CCL27: variants seen among roughly 807,000 people sequenced by gnomAD.
CCL27 encodes C-C motif chemokine 27.
CCL27 carries 8 observed loss-of-function variants against 7.7 expected under a neutral mutation model. The observed-to-expected ratio is 1.04, with a 90% CI of 0.61 to 1.88. The LOEUF (loss-of-function observed/expected upper bound fraction) is 1.88, where lower values mean the gene tolerates loss of function less well. Ranked by LOEUF, CCL27 falls within the 40% of genes most tolerant of loss-of-function variation. The pLI, the probability that CCL27 is intolerant of heterozygous loss-of-function variation, is 0.00. For synonymous variants in CCL27, 49 were observed against 53.2 expected, an observed-to-expected ratio of 0.92 and a Z score of 0.34; for missense variants, 130 against 130.0, an observed-to-expected ratio of 1.00 and a Z score of 0.00.
chr9:34,662,220 T>C (rs1821471284), intron 2 of CCL27, 64 bp downstream of exon 2: 2 of 1,609,132 alleles, frequency 1.2e-6, no homozygotes, highest in South Asian at 1.1e-5. Flanking sequence ...AGGGCTGGGG[T>C]TGGGATCAGC....
Position 34,662,624 on chromosome 9 carries a change from G to T in CCL27, c.10C>A (p.Pro4Thr). 6.2e-7 allele frequency: 1 copy of T among 1,612,460 alleles called. No individual in the cohort carries two copies. The highest frequency in any genetic ancestry group is 8.5e-7 in the Non-Finnish European group (1 of 1,179,368). Residue 4 changes from proline to threonine, a missense_variant, in exon 1 of 3, where the codon CCC becomes ACC. Physicochemically the swap from Pro to Thr is conservative, Grantham distance 38. Coordinates refer to ENST00000259631, the MANE Select transcript of CCL27 (RefSeq NM_006664.4). ...AGCAGGAGGCTGCAGAAGGTTGGGGGCCCCTTCATGTTGCTCAGCCTAGAC... is the reference window on the plus strand; with the variant it reads ...AGCAGGAGGCTGCAGAAGGTTGGGGTCCCCTTCATGTTGCTCAGCCTAGAC... MKGPPTFCSLLLLS... is the reference protein window; with the variant it reads MKGTPTFCSLLLLS...
chr9:34,662,488 G>A (rs1224588189), intron 1 of CCL27, 72 bp from the exon 2 acceptor site: 11 of 1,612,698 alleles, frequency 6.8e-6, no homozygotes, highest in Non-Finnish European at 9.3e-6. Flanking sequence ...CTGGAGGTTA[G>A]GTTGGATTTC....
chr9:34,662,603 G>T lies in CCL27; in HGVS notation c.31C>A (p.Leu11Met), dbSNP rs763070893. ...GGGCTCAGGAGCAATGACAGCAGCAGGAGGCTGCAGAAGGTTGGGGGCCCC... is the reference window on the plus strand; with the variant it reads ...GGGCTCAGGAGCAATGACAGCAGCATGAGGCTGCAGAAGGTTGGGGGCCCC... MKGPPTFCSL[L>M]LLSLLLSPDP... The change falls in exon 1 of 3, where the codon CTG becomes ATG. Residue 11 changes from leucine to methionine, a missense_variant. Coordinates refer to ENST00000259631, the MANE Select transcript of CCL27 (RefSeq NM_006664.4). 1 of 1,613,862 alleles carries T rather than the reference G, an allele frequency of 6.2e-7. No individual in the cohort carries two copies. Among genetic ancestry groups the T allele is most frequent in the South Asian group, 1.1e-5 (1 of 91,048 alleles).
In CCL27 at chr9:34,661,895, C is replaced by G; in HGVS notation, c.*49G>C. ...AATAAGGAAGTTCTTGGAGATTATA[C>G]TCAGAAATTATTATCCAATGCTGCT... On this transcript the variant is annotated 3_prime_UTR_variant, in exon 3 of 3. Coordinates refer to ENST00000259631, the MANE Select transcript of CCL27 (RefSeq NM_006664.4). The G allele has an allele frequency of 1.2e-6, 2 of 1,603,270 alleles. No individual in the cohort carries two copies. Among genetic ancestry groups the G allele is most frequent in the South Asian group, 2.2e-5 (2 of 90,682 alleles).
chr9:34,661,941 G>A lies in CCL27; in HGVS notation c.*3C>T. 1 of 1,614,024 alleles carries A rather than the reference G, an allele frequency of 6.2e-7. No homozygotes were observed. Among genetic ancestry groups the A allele is most frequent in the South Asian group, 1.1e-5 (1 of 91,080 alleles). ...CTGCTTTATTATTTGGCTATTGGGG[G>A]CTTCAGCCCATTTTCCTTAGCATCC... On this transcript the variant is annotated 3_prime_UTR_variant, in exon 3 of 3. Coordinates refer to ENST00000259631, the MANE Select transcript of CCL27 (RefSeq NM_006664.4).
In CCL27 at chr9:34,662,371, C is replaced by T. The variant is rs777698595; in HGVS notation, c.116G>A (p.Arg39Gln). Residue 39 changes from arginine to glutamine, a missense_variant, in exon 2 of 3, where the codon CGA (arginine) becomes CAA (glutamine). Transcript: ENST00000259631. ...PSTACCTQLY[R>Q]KPLSDKLLRK... The stretch of plus-strand genomic sequence containing the variant: ...CAGTAGCTTGTCTGAGAGTGGCTTT[C>T]GGTAGAGCTGAGTACAGCAGGCAGT... 49 of 1,613,966 alleles carry T rather than the reference C, an allele frequency of 3.0e-5. 1 individual carries two copies. In the South Asian group the frequency reaches 3.8e-4, roughly 13 times the overall value.
At chr9:34,662,204 G>C (rs1440277255) in intron 2 of CCL27, 80 bp downstream of exon 2, 14 of 1,605,778 alleles carry the variant, frequency 8.7e-6, no homozygotes, top group Non-Finnish European at 1.2e-5. Context: ...AACAGAATTA[G>C]CAGTTAGGGC....
Position 34,661,939 on chromosome 9 carries a change from G to C in CCL27, c.*5C>G. 2 of 1,614,020 alleles carry C rather than the reference G, an allele frequency of 1.2e-6. No individual in the cohort carries two copies. Among genetic ancestry groups the C allele is most frequent in the Non-Finnish European group, 1.7e-6 (2 of 1,179,934 alleles). ...TGCTGCTTTATTATTTGGCTATTGG[G>C]GGCTTCAGCCCATTTTCCTTAGCAT... is the stretch of plus-strand genomic sequence containing the variant. On this transcript the variant is annotated 3_prime_UTR_variant, in exon 3 of 3. Transcript: ENST00000259631.
Position 34,662,653 on chromosome 9 carries a change from T to C in CCL27, c.-20A>G. The C allele has an allele frequency of 6.3e-7, 1 of 1,582,304 alleles. No homozygotes were observed. Among genetic ancestry groups the C allele is most frequent in the Non-Finnish European group, 8.6e-7 (1 of 1,165,600 alleles). On this transcript the variant is annotated 5_prime_UTR_variant, in exon 1 of 3. Transcript: ENST00000259631. ...CTTCATGTTGCTCAGCCTAGACTCTTCCTTCTCTCTCTCTCCTCCTCCCCT... is the reference window on the plus strand; with the variant it reads ...CTTCATGTTGCTCAGCCTAGACTCTCCCTTCTCTCTCTCTCCTCCTCCCCT...
rs1405348104 is a variant in CCL27, at chr9:34,662,578, G to T, written c.56C>A (p.Pro19Gln). 1.2e-6 allele frequency: 2 copies of T among 1,614,058 alleles called. No homozygotes were observed. Residue 19 changes from proline to glutamine, a missense_variant, in exon 1 of 3, where the codon CCA (proline) becomes CAA (glutamine). By Grantham distance (76) the Pro-to-Gln change is moderately conservative. Transcript: ENST00000259631. ...SLLLLSLLLS[P>Q]DPTAAFLLPP... is the part of the protein sequence containing the mutation. ...CAAGTACTCACCTGCTGTAGGGTCT[G>T]GGCTCAGGAGCAATGACAGCAGCAG...
In CCL27 at chr9:34,662,060, TG is replaced by T; in HGVS notation, c.222del (p.Ser75AlafsTer29). 1 of 1,614,184 alleles carries T rather than the reference TG, an allele frequency of 6.2e-7. No homozygotes were observed. The highest frequency in any genetic ancestry group is 1.7e-5 in the Admixed American group (1 of 60,020). On this transcript the variant is annotated frameshift_variant, in exon 3 of 3. Transcript: ENST00000259631. LOFTEE classifies it high-confidence loss of function. ...LQAFVLHLAQ[R>X]SICIHPQNPS... is the part of the protein sequence containing the mutation. ...GGGTTCTGGGGGTGGATGCAGATGC[TG>T]CGTTGAGCCAGGTGAAGCCTGGGTA...
Position 34,662,035 on chromosome 9 carries a change from G to T in CCL27, c.248C>A (p.Pro83His), listed in dbSNP as rs1245979011. The T allele has an allele frequency of 6.2e-7, 1 of 1,614,098 alleles. No homozygotes were observed. The highest frequency in any genetic ancestry group is 8.5e-7 in the Non-Finnish European group (1 of 1,180,034). The change falls in exon 3 of 3, where the codon CCC (proline) becomes CAC (histidine). Residue 83 changes from proline to histidine, a missense_variant. Coordinates refer to ENST00000259631, the MANE Select transcript of CCL27 (RefSeq NM_006664.4). Reference protein sequence around the residue: ...QRSICIHPQNPSLSQWFEHQE... With the variant: ...QRSICIHPQNHSLSQWFEHQE... ...GTGCTCAAACCACTGTGACAGGCTG[G>T]GGTTCTGGGGGTGGATGCAGATGCT...
chr9:34,662,045 G>C lies in CCL27; in HGVS notation c.238C>G (p.Pro80Ala). The C allele has an allele frequency of 6.2e-7, 1 of 1,614,204 alleles. No homozygotes were observed. The highest frequency in any genetic ancestry group is 8.5e-7 in the Non-Finnish European group (1 of 1,180,028). ...HLAQRSICIH[P>A]QNPSLSQWFE... ...CACTGTGACAGGCTGGGGTTCTGGG[G>C]GTGGATGCAGATGCTGCGTTGAGCC... is the stretch of plus-strand genomic sequence containing the variant. The change falls in exon 3 of 3, where the codon CCC (proline) becomes GCC (alanine). Residue 80 changes from proline (P) to alanine (A), a missense_variant. Pro to Ala is a conservative substitution (Grantham distance 27, BLOSUM62 -1). Transcript: ENST00000259631.
intron 2 of CCL27, 60 bp downstream of exon 2, chr9:34,662,224 G>A (rs968214077): frequency 2.5e-6 from 4 of 1,609,932 alleles, no homozygotes; most frequent in Non-Finnish European, 1.7e-6. Context: ...CTGGGGTTGG[G>A]ATCAGCATTA....
At position 34,662,349 on chromosome 9, in the gene CCL27, T is replaced by C; in HGVS notation, c.138A>G (p.Leu46=). 2 of 1,614,062 alleles carry C rather than the reference T, an allele frequency of 1.2e-6. No individual in the cohort carries two copies. The highest frequency in any genetic ancestry group is 2.2e-5 in the South Asian group (2 of 91,078). ...GTTCCACCTGGATGACCTTCCTCAG[T>C]AGCTTGTCTGAGAGTGGCTTTCGGT... ...QLYRKPLSDK[L]LRKVIQVELQ... is the part of the protein sequence containing the mutation. Residue 46 remains leucine, a synonymous_variant, in exon 2 of 3, where the codon CTA becomes CTG. Transcript: ENST00000259631.
At position 34,662,290 on chromosome 9, in the gene CCL27, G is replaced by T; in HGVS notation, c.197C>A (p.Ala66Asp). The change falls in exon 2 of 3, where the codon GCT becomes GAT. Residue 66 changes from alanine (A) to aspartate (D), a missense_variant. Physicochemically the swap from Ala to Asp is moderately radical, Grantham distance 126. Coordinates refer to ENST00000259631, the MANE Select transcript of CCL27 (RefSeq NM_006664.4). ...QEADGDCHLQ[A>D]FVLHLAQRSI... is the part of the protein sequence containing the mutation. ...ATCAGGGGTGGGAGCTCACACGAAA[G>T]CCTGGAGGTGACAGTCCCCGTCAGC... The T allele has an allele frequency of 6.2e-7, 1 of 1,613,960 alleles. No homozygotes were observed. The highest frequency in any genetic ancestry group is 1.1e-5 in the South Asian group (1 of 91,082).
Position 34,662,588 on chromosome 9 carries a change from G to A in CCL27, c.46C>T (p.Leu16Phe). ...CCTGCTGTAGGGTCTGGGCTCAGGA[G>A]CAATGACAGCAGCAGGAGGCTGCAG... The part of the protein sequence containing the change: ...TFCSLLLLSL[L>F]LSPDPTAAFL... Residue 16 changes from leucine to phenylalanine, a missense_variant, in exon 1 of 3, where the codon CTC becomes TTC. Coordinates refer to ENST00000259631, the MANE Select transcript of CCL27 (RefSeq NM_006664.4). The A allele has an allele frequency of 6.2e-7, 1 of 1,614,006 alleles. No homozygotes were observed. The highest frequency in any genetic ancestry group is 1.3e-5 in the African/African-American group (1 of 75,032).
intron 2 of CCL27, 75 bp from the exon 3 acceptor site, chr9:34,662,154 A>C: frequency 6.3e-7 from 1 of 1,599,494 alleles, no homozygotes; most frequent in Non-Finnish European, 8.6e-7. Context: ...GACCCTAATT[A>C]GGGGTTAGGA....
At chr9:34,662,187 A>G in intron 2 of CCL27, 97 bp downstream of exon 2, 1 of 1,604,848 alleles carries the variant, frequency 6.2e-7, no homozygotes, top group Non-Finnish European at 8.5e-7. Flanking sequence ...TGAAAACCTG[A>G]GTTGGCAACA....
Sources: allele counts gnomAD v4.1 joint callset, GRCh38; gene constraint gnomAD v4.1.1; transcripts MANE v1.5; gene names NCBI Gene and HGNC (gene_info 2026-07-23, HGNC 2026-07-21).